DENND2B: variants seen among roughly 807,000 people sequenced by gnomAD.
The protein encoded by DENND2B is DENN domain containing 2B, also known as DENN domain-containing protein 2B.
A neutral mutation model predicts 116.0 loss-of-function variants in DENND2B; 32 were observed. The observed-to-expected ratio is 0.28, with a 90% CI of 0.21 to 0.37. The LOEUF is 0.37. Among genes scored for constraint, DENND2B ranks in the 10% least tolerant of loss-of-function variants. The pLI is 1.00. For missense variants in DENND2B, 1,276 were observed against 1,477.7 expected (o/e 0.86, Z 2.24); for synonymous variants, 588 against 583.9 (o/e 1.01, Z -0.10).
chr11:8,814,267 CT>C (rs78274604), upstream of DENND2B, among the ~76,000 whole-genome samples: 89 of 121,502 alleles, frequency 7.3e-4, no homozygotes, highest in African/African-American at 2.6e-3. Flanking sequence ...TCTGAATCAC[CT>C]TTTTTTTTTT....
intron 2 of DENND2B, among the ~76,000 whole-genome samples, chr11:8,748,139 A>C (rs975557900): frequency 6.6e-6 from 1 of 152,166 alleles, no homozygotes; most frequent in Non-Finnish European, 1.5e-5. Flanking sequence ...AAAGTGTCAA[A>C]GGCCCAGCTT....
chr11:8,878,765 TGTGA>T (rs1166654756), intron 2 of DENND2B, among the ~76,000 whole-genome samples: 1 of 152,156 alleles, frequency 6.6e-6, no homozygotes, highest in African/African-American at 2.4e-5. Context: ...ATACATGCAA[TGTGA>T]GTGAGACTTG....
intron 2 of DENND2B, among the ~76,000 whole-genome samples, chr11:8,880,417 T>C (rs1487882162): frequency 1.3e-5 from 2 of 151,676 alleles, no homozygotes; most frequent in African/African-American, 4.8e-5. Context: ...TTATTATATG[T>C]AATTGCTAAG....
At chr11:8,808,166 C>G (rs147647938) in intron 1 of DENND2B, 6 of 152,252 alleles carry the variant, frequency 3.9e-5, no homozygotes, top group South Asian at 2.1e-4. Flanking sequence ...CCCCAAGAAG[C>G]CTTTCGGAGC....
chr11:8,796,965 A>G (rs1593827599), intron 1 of DENND2B, among the ~76,000 whole-genome samples: 1 of 152,310 alleles, frequency 6.6e-6, no homozygotes. Flanking sequence ...AACTCATTCA[A>G]TTCTGCAAAC....
At chr11:8,696,300 CAG>C (rs2040348202) in intron 18 of DENND2B, 125 bp downstream of exon 18, 8 of 1,386,838 alleles carry the variant, frequency 5.8e-6, no homozygotes, top group Non-Finnish European at 7.9e-6. Flanking sequence ...AAGTTTCTAA[CAG>C]AGGTAAAGGG....
At chr11:8,867,425 C>T (rs950219319) in intron 2 of DENND2B, among the ~76,000 whole-genome samples, 2 of 152,070 alleles carry the variant, frequency 1.3e-5, no homozygotes, top group Non-Finnish European at 2.9e-5. Context: ...CCTTCTAAAT[C>T]CCCACGCAGG....
intron 2 of DENND2B, among the ~76,000 whole-genome samples, chr11:8,734,301 T>C (rs1474281257): frequency 5.3e-5 from 8 of 152,150 alleles, no homozygotes; most frequent in Non-Finnish European, 1.2e-4. Flanking sequence ...GGATGCAAAA[T>C]GCTCATTATC....
chr11:8,813,261 G>T (rs1262809498), upstream of DENND2B, among the ~76,000 whole-genome samples: 1 of 152,106 alleles, frequency 6.6e-6, no homozygotes, highest in Non-Finnish European at 1.5e-5. Flanking sequence ...TGACAGAATG[G>T]CACAAATCCT....
chr11:8,806,636 A>ACACACACACACACACACC (rs1426363936), intron 1 of DENND2B, among the ~76,000 whole-genome samples: 15 of 151,712 alleles, frequency 9.9e-5, no homozygotes, highest in Non-Finnish European at 1.3e-4. Flanking sequence ...ACACACACAC[A>ACACACACACACACACACC]CACCCAGGAG....
At chr11:8,866,352 C>T (rs2063580730) in intron 2 of DENND2B, among the ~76,000 whole-genome samples, 1 of 152,198 alleles carries the variant, frequency 6.6e-6, no homozygotes, top group Non-Finnish European at 1.5e-5. Flanking sequence ...AATACAAAAA[C>T]ATTAACTATG....
At chr11:8,733,154 G>C (rs1451849784) in intron 2 of DENND2B, among the ~76,000 whole-genome samples, 2 of 152,232 alleles carry the variant, frequency 1.3e-5, no homozygotes, top group African/African-American at 4.8e-5. Context: ...TCAGTGAGGA[G>C]GTGTGAACAG....
intron 1 of DENND2B, among the ~76,000 whole-genome samples, chr11:8,751,704 C>G (rs2052539759): frequency 6.6e-6 from 1 of 152,172 alleles, no homozygotes; most frequent in African/African-American, 2.4e-5. Flanking sequence ...CAAGAACCCA[C>G]CAATTCCGGA....
intron 1 of DENND2B, among the ~76,000 whole-genome samples, chr11:8,796,466 C>A (rs2059821443): frequency 6.6e-6 from 1 of 152,142 alleles, no homozygotes. Flanking sequence ...TTTAACCAGG[C>A]AGGCAACGGT....
chr11:8,858,442 G>A (rs2063272596), intron 2 of DENND2B, among the ~76,000 whole-genome samples: 1 of 152,072 alleles, frequency 6.6e-6, no homozygotes. Flanking sequence ...CCTCCCTGAG[G>A]TGGCACACTC....
chr11:8,751,811 C>G (rs2052559785), intron 1 of DENND2B, among the ~76,000 whole-genome samples: 1 of 152,162 alleles, frequency 6.6e-6, no homozygotes, highest in Non-Finnish European at 1.5e-5. Flanking sequence ...CCTTAAACTT[C>G]TATCATTCTA....
intron 4 of DENND2B, among the ~76,000 whole-genome samples, chr11:8,725,760 C>A (rs1234872575): frequency 6.6e-6 from 1 of 152,200 alleles, no homozygotes; most frequent in East Asian, 1.9e-4. Context: ...GCCTTAAGGG[C>A]ACACAGCTAA....
At position 8,823,538 on chromosome 11, in the gene DENND2B, T is replaced by C. The variant is rs551485109; in HGVS notation, c.-114-12203A>G. ...AAGGATCCAATGGGAAGTGATTAGG[T>C]CATGGGGGCCATTTCCCCCACGCTG... is the stretch of plus-strand genomic sequence containing the variant. On this transcript the variant is annotated intron_variant, in intron 4 of 6. Coordinates refer to the DENND2B transcript ENST00000524757. Among the ~76,000 whole-genome samples the C allele has an allele frequency of 2.6e-5, 4 of 152,306 alleles. No homozygotes were observed. The South Asian group carries it at 8.3e-4, about 32-fold the overall frequency.
chr11:8,845,051 T>C (rs547719518), intron 3 of DENND2B, among the ~76,000 whole-genome samples: 1 of 152,250 alleles, frequency 6.6e-6, no homozygotes, highest in African/African-American at 2.4e-5. Context: ...CTATAACTTG[T>C]AAATGTTAAA....
Sources: allele counts gnomAD v4.1 joint callset (sites outside exome capture counted in the v4.1 genomes callset), GRCh38; gene constraint gnomAD v4.1.1; transcripts MANE v1.5; gene names NCBI Gene and HGNC (gene_info 2026-07-23, HGNC 2026-07-21).